The following CKAP5 variants were observed in gnomAD, a reference collection of about 807,000 sequenced individuals.
The protein encoded by CKAP5 is cytoskeleton associated protein 5, also known as cytoskeleton-associated protein 5.
Under a neutral mutation model 232.8 loss-of-function variants are expected in CKAP5, and 27 were observed. That is an observed-to-expected ratio of 0.12 (90% CI 0.09 to 0.16). The LOEUF (loss-of-function observed/expected upper bound fraction) is 0.16. Ranked by LOEUF, CKAP5 falls within the 10% of genes least tolerant of loss-of-function variation. The pLI is 1.00. For missense variants in CKAP5, 1,838 were observed against 2,424.7 expected (o/e 0.76, Z 5.08); for synonymous variants, 785 against 841.1 (o/e 0.93, Z 1.16).
intron 1 of CKAP5, among the ~76,000 whole-genome samples, chr11:46,841,699 T>C (rs1007997867): frequency 6.6e-6 from 1 of 151,968 alleles, no homozygotes; most frequent in Non-Finnish European, 1.5e-5. Context: ...TGCAAACTAG[T>C]ATTAAAAAAG....
chr11:46,786,922 G>A (rs538216208), intron 16 of CKAP5, among the ~76,000 whole-genome samples: 6 of 152,294 alleles, frequency 3.9e-5, no homozygotes, highest in African/African-American at 1.4e-4. Flanking sequence ...TGGTCATTAA[G>A]TTAACCAAGG....
At chr11:46,744,758 C>G (rs1169948809) in intron 42 of CKAP5, among the ~76,000 whole-genome samples, 181 bp from the exon 43 acceptor site, 1 of 152,106 alleles carries the variant, frequency 6.6e-6, no homozygotes, top group African/African-American at 2.4e-5. Context: ...ATATAAGCTT[C>G]TTGAGAATGC....
At chr11:46,808,217 G>T in intron 7 of CKAP5, 73 bp from the exon 8 acceptor site, 2 of 971,496 alleles carry the variant, frequency 2.1e-6, no homozygotes, top group Non-Finnish European at 3.2e-6. Context: ...ATTGCACTCT[G>T]CTAATTCAAA....
intron 35 of CKAP5, 38 bp downstream of exon 35, chr11:46,758,885 C>A (rs2065132655): frequency 6.2e-7 from 1 of 1,610,638 alleles, no homozygotes; most frequent in Admixed American, 1.7e-5. Context: ...CCTCTATGTC[C>A]ACCAATGGAA....
Position 46,744,520 on chromosome 11 carries a change from G to A in CKAP5, c.5762C>T (p.Ser1921Phe). Residue 1921 changes from serine (S) to phenylalanine (F), a missense_variant, in exon 43 of 44, where the codon TCC (serine) becomes TTC (phenylalanine). Around this residue, in one of 6 missense-constraint regions of CKAP5, gnomAD observed 579 missense variants for 843.2 expected, o/e 0.69. Transcript: ENST00000529230. The stretch of plus-strand genomic sequence containing the variant: ...TTCTTCCCCATTTGTGTTACCTATG[G>A]AGGACACTGTGCTTGTGGGCGTGGG... The part of the protein sequence containing the change: ...CVPTPTSTVS[S>F]IGNTNGEEVG... 1 of 1,614,142 alleles carries A rather than the reference G, an allele frequency of 6.2e-7. No individual in the cohort carries two copies. The highest frequency in any genetic ancestry group is 8.5e-7 in the Non-Finnish European group (1 of 1,180,034).
intron 1 of CKAP5, among the ~76,000 whole-genome samples, chr11:46,843,769 A>ATGAC (rs1940115665): frequency 1.3e-5 from 2 of 151,938 alleles, no homozygotes; most frequent in Non-Finnish European, 2.9e-5. Context: ...ACAAAGATGT[A>ATGAC]AGTGTTGACA....
chr11:46,758,948 T>C lies in CKAP5; in HGVS notation c.4664A>G (p.Asn1555Ser), dbSNP rs1565720035. The C allele has an allele frequency of 6.2e-7, 1 of 1,613,944 alleles. No homozygotes were observed. Among genetic ancestry groups the C allele is most frequent in the South Asian group, 1.1e-5 (1 of 91,066 alleles). ...IISQVASGDI[N>S]TSIQALTQID... ...CTGTGTCAGAGCTTGGATACTTGTG[T>C]TGATGTCACCACTGGCTACTTGGGA... Residue 1555 changes from asparagine (N) to serine (S), a missense_variant, in exon 35 of 44, where the codon AAC becomes AGC. By Grantham distance (46) the Asn-to-Ser change is conservative. Coordinates refer to ENST00000529230, the MANE Select transcript of CKAP5 (RefSeq NM_001008938.4).
At chr11:46,774,874 A>G (rs1253728017) in intron 24 of CKAP5, among the ~76,000 whole-genome samples, 2 of 152,326 alleles carry the variant, frequency 1.3e-5, no homozygotes, top group South Asian at 2.1e-4. Context: ...AAGACCTTAA[A>G]CCATAAAAAC....
intron 16 of CKAP5, among the ~76,000 whole-genome samples, chr11:46,786,390 A>G (rs1026817965): frequency 6.6e-6 from 1 of 152,144 alleles, no homozygotes; most frequent in African/African-American, 2.4e-5. Flanking sequence ...ACCTCCTCAA[A>G]AAGTTTTGAC....
chr11:46,834,609 A>G (rs1939875393), intron 1 of CKAP5, among the ~76,000 whole-genome samples: 1 of 151,922 alleles, frequency 6.6e-6, no homozygotes. Flanking sequence ...TCTAAAACAA[A>G]CTGCTTCTCT....
intron 8 of CKAP5, among the ~76,000 whole-genome samples, chr11:46,807,582 T>C (rs1939185797): frequency 6.6e-6 from 1 of 152,250 alleles, no homozygotes; most frequent in Admixed American, 6.5e-5. Context: ...TTCCTAAAAA[T>C]GTTTATCTCT....
intron 12 of CKAP5, among the ~76,000 whole-genome samples, chr11:46,796,353 A>G (rs988789922): frequency 3.3e-5 from 5 of 152,340 alleles, no homozygotes; most frequent in East Asian, 1.9e-4. Context: ...ACATTCACAT[A>G]TAAGAAGGTA....
At chr11:46,842,835 C>T (rs562978228) in intron 1 of CKAP5, among the ~76,000 whole-genome samples, 8 of 151,782 alleles carry the variant, frequency 5.3e-5, no homozygotes, top group Non-Finnish European at 7.4e-5. Flanking sequence ...GGCTTGGTAG[C>T]GGGCGCCTGT....
At position 46,765,192 on chromosome 11, in the gene CKAP5, G is replaced by C. The variant is rs762286793; in HGVS notation, c.3476C>G (p.Pro1159Arg). 2.5e-6 allele frequency: 4 copies of C among 1,612,426 alleles called. No individual in the cohort carries two copies. In the South Asian group the frequency reaches 4.4e-5, roughly 18 times the overall value. The change falls in exon 28 of 44, where the codon CCT becomes CGT. Residue 1159 changes from proline to arginine, a missense_variant. Pro to Arg is a moderately radical substitution (Grantham distance 103). Coordinates refer to ENST00000529230, the MANE Select transcript of CKAP5 (RefSeq NM_001008938.4). The part of the protein sequence containing the change: ...SLKEDEDKSG[P>R]IFIVVPNGKE... ...TCCATTTGGAACAACAATAAAAATA[G>C]GCCCGGATTTGTCTTCATCCTCCTT...
chr11:46,754,654 G>A (rs2065096838), intron 36 of CKAP5, among the ~76,000 whole-genome samples: 1 of 152,202 alleles, frequency 6.6e-6, no homozygotes, highest in South Asian at 2.1e-4. Context: ...GAAGAAACTG[G>A]CCGGAAGAAG....
At chr11:46,807,786 TAG>T (rs1246938926) in intron 8 of CKAP5, among the ~76,000 whole-genome samples, 1 of 152,170 alleles carries the variant, frequency 6.6e-6, no homozygotes, top group Non-Finnish European at 1.5e-5. Context: ...TCTCTTTTCC[TAG>T]AGAGTTACAG....
intron 24 of CKAP5, 33 bp downstream of exon 24, chr11:46,776,222 G>T: frequency 6.2e-7 from 1 of 1,601,520 alleles, no homozygotes; most frequent in Non-Finnish European, 8.5e-7. Flanking sequence ...TAAATGACAT[G>T]AGTAATGCAC....
intron 1 of CKAP5, among the ~76,000 whole-genome samples, chr11:46,839,513 C>T (rs1463752006): frequency 2.6e-5 from 4 of 152,172 alleles, no homozygotes; most frequent in South Asian, 4.1e-4. Context: ...AGCTACCCAC[C>T]GCCACCACTG....
At chr11:46,834,971 AT>A (rs113526136) in intron 1 of CKAP5, among the ~76,000 whole-genome samples, 42,688 of 146,802 alleles carry the variant, frequency 0.29, 6,640 homozygotes, top group East Asian at 0.6. Context: ...CTCCCAGCTA[AT>A]TTTTTTTTTT....
Sources: allele counts gnomAD v4.1 joint callset (sites outside exome capture counted in the v4.1 genomes callset), GRCh38; gene constraint gnomAD v4.1.1; regional missense constraint gnomAD v4.1.1; transcripts MANE v1.5; gene names NCBI Gene and HGNC (gene_info 2026-07-23, HGNC 2026-07-21).